Variants in SAMSN1 observed in about 807,000 individuals in gnomAD.
The protein encoded by SAMSN1 is SAM domain, SH3 domain and nuclear localization signals 1.
In SAMSN1, 31 loss-of-function variants were observed where a neutral mutation model predicts 42.0. The observed-to-expected ratio is 0.74, with a 90% CI of 0.55 to 1.00. The LOEUF (loss-of-function observed/expected upper bound fraction) is 1.00, where lower values mean the gene tolerates loss of function less well. Among genes scored for constraint, SAMSN1 ranks in the 50% least tolerant of loss-of-function variants. The probability of loss-of-function intolerance (pLI) is 0.00; values close to 1 mark genes in which losing one functional copy is unlikely to be tolerated. For synonymous variants in SAMSN1, 178 were observed against 151.9 expected (o/e 1.17, Z -1.26); for missense variants, 464 against 439.4 (o/e 1.06, Z -0.50).
chr21:14,564,929 A>G (rs932594437), intron 2 of SAMSN1, among the ~76,000 whole-genome samples: 1 of 152,118 alleles, frequency 6.6e-6, no homozygotes, highest in Non-Finnish European at 1.5e-5. Flanking sequence ...AGGGATGGAG[A>G]AGCAACTGAA....
intron 3 of SAMSN1, among the ~76,000 whole-genome samples, chr21:14,614,305 T>C (rs1283772134): frequency 6.6e-6 from 1 of 152,144 alleles, no homozygotes; most frequent in Non-Finnish European, 1.5e-5. Flanking sequence ...GGTAGTAGAA[T>C]GGGTAGAAAT....
chr21:14,581,223 A>G (rs1024144577), intron 2 of SAMSN1, among the ~76,000 whole-genome samples: 31 of 152,084 alleles, frequency 2.0e-4, no homozygotes, highest in Middle Eastern at 3.4e-3. Context: ...AGCTCTAGCT[A>G]AAAGCAAGAC....
intron 6 of SAMSN1, among the ~76,000 whole-genome samples, chr21:14,601,334 TGG>T (rs1179924900): frequency 1.3e-5 from 2 of 152,188 alleles, no homozygotes; most frequent in African/African-American, 2.4e-5. Flanking sequence ...GGAATCAGGC[TGG>T]ATTTAGGAAT....
At position 14,498,429 on chromosome 21, in the gene SAMSN1, T is replaced by G; in HGVS notation, c.919+13A>C. The G allele has an allele frequency of 6.2e-7, 1 of 1,604,386 alleles. No individual in the cohort carries two copies. Among genetic ancestry groups the G allele is most frequent in the Non-Finnish European group, 8.5e-7 (1 of 1,175,952 alleles). ...ATTATCAGCTGGGGAGAAGAGTAGGTGTACACACTTACTTTCTTCTTCAAG... is the reference window on the plus strand; with the variant it reads ...ATTATCAGCTGGGGAGAAGAGTAGGGGTACACACTTACTTTCTTCTTCAAG... On this transcript the variant is annotated intron_variant, in intron 7 of 7. Transcript: ENST00000400566.
intron 1 of SAMSN1, among the ~76,000 whole-genome samples, chr21:14,649,683 T>A (rs1983794054): frequency 6.6e-6 from 1 of 151,582 alleles, no homozygotes; most frequent in Non-Finnish European, 1.5e-5. Context: ...GGTAGGAGAA[T>A]CTCTTGAACC....
At chr21:14,586,939 T>C (rs1212624935), upstream of SAMSN1, among the ~76,000 whole-genome samples, 2 of 152,268 alleles carry the variant, frequency 1.3e-5, no homozygotes, top group East Asian at 1.9e-4. Context: ...GGAAGAATGC[T>C]TAGTATGTGC....
At chr21:14,510,288 G>A in intron 5 of SAMSN1, 22 bp downstream of exon 5, 1 of 1,612,198 alleles carries the variant, frequency 6.2e-7, no homozygotes, top group Non-Finnish European at 8.5e-7. Context: ...CATTCAGAAG[G>A]TGGGATATGA....
At chr21:14,550,293 T>C (rs575314709), upstream of SAMSN1, among the ~76,000 whole-genome samples, 6 of 152,188 alleles carry the variant, frequency 3.9e-5, no homozygotes, top group Non-Finnish European at 8.8e-5. Context: ...TACTAATTCC[T>C]TTCTCTAAGG....
At chr21:14,647,140 A>G (rs1983730332) in intron 1 of SAMSN1, among the ~76,000 whole-genome samples, 1 of 152,178 alleles carries the variant, frequency 6.6e-6, no homozygotes, top group African/African-American at 2.4e-5. Context: ...ATGAATGAAA[A>G]AACATAACCC....
intron 5 of SAMSN1, among the ~76,000 whole-genome samples, chr21:14,506,715 C>T (rs1375942515): frequency 6.6e-6 from 1 of 152,034 alleles, no homozygotes; most frequent in African/African-American, 2.4e-5. Flanking sequence ...CACCCTAATA[C>T]CAAAACCAGG....
chr21:14,516,793 T>C, intron 3 of SAMSN1, 99 bp downstream of exon 3: 1 of 978,618 alleles, frequency 1.0e-6, no homozygotes, highest in Non-Finnish European at 1.5e-6. Flanking sequence ...AAACAAATGC[T>C]TAAGTACTTC....
At chr21:14,568,609 A>G (rs1981194102) in intron 2 of SAMSN1, among the ~76,000 whole-genome samples, 1 of 152,136 alleles carries the variant, frequency 6.6e-6, no homozygotes, top group Non-Finnish European at 1.5e-5. Context: ...GTCATCTAGT[A>G]CTATCCATTT....
At chr21:14,624,910 A>C (rs1234766693) in intron 2 of SAMSN1, among the ~76,000 whole-genome samples, 1 of 152,210 alleles carries the variant, frequency 6.6e-6, no homozygotes, top group Non-Finnish European at 1.5e-5. Flanking sequence ...CCAGTAGCCC[A>C]TCAAAAAGCT....
chr21:14,565,002 A>C (rs1253979885), intron 2 of SAMSN1, among the ~76,000 whole-genome samples: 1 of 152,156 alleles, frequency 6.6e-6, no homozygotes, highest in African/African-American at 2.4e-5. Flanking sequence ...AAGAAAAAAG[A>C]ACATGTTTTG....
chr21:14,596,992 A>T lies in SAMSN1; in HGVS notation c.400-2914T>A, dbSNP rs375528344. On this transcript the variant is annotated intron_variant, in intron 6 of 15. Transcript: ENST00000647101. Reference sequence around the variant, plus strand: ...TTGTAATACAATAGTTAAAAGTCATATAATGGATAAGAAAGTACTTGAAAT... The same window carrying T: ...TTGTAATACAATAGTTAAAAGTCATTTAATGGATAAGAAAGTACTTGAAAT... 1.1e-4 allele frequency among the ~76,000 whole-genome samples: 17 copies of T among 152,196 alleles called. No individual in the cohort carries two copies. In the East Asian group the frequency reaches 1.3e-3, roughly 12 times the overall value.
At chr21:14,587,932 T>G (rs1303673487), upstream of SAMSN1, among the ~76,000 whole-genome samples, 1 of 115,602 alleles carries the variant, frequency 8.7e-6, no homozygotes, top group Non-Finnish European at 1.7e-5. Flanking sequence ...GAGTGTGATA[T>G]TCCCCTTCCT....
At chr21:14,520,204 T>C (rs1274852476) in intron 2 of SAMSN1, among the ~76,000 whole-genome samples, 3 of 152,194 alleles carry the variant, frequency 2.0e-5, no homozygotes, top group Non-Finnish European at 4.4e-5. Flanking sequence ...AAAATGTTCA[T>C]AGTGTACAAA....
intron 4 of SAMSN1, among the ~76,000 whole-genome samples, chr21:14,609,790 C>T (rs141385058): frequency 0.025 from 3,870 of 152,262 alleles, 99 homozygotes; most frequent in South Asian, 0.072. Flanking sequence ...ATTTCATGGA[C>T]ATTTATTAGT....
chr21:14,580,756 T>C (rs986689487), intron 2 of SAMSN1, among the ~76,000 whole-genome samples: 1 of 152,246 alleles, frequency 6.6e-6, no homozygotes, highest in Non-Finnish European at 1.5e-5. Context: ...AGAGAAAATA[T>C]GCCTTTTAAG....
Sources: allele counts gnomAD v4.1 joint callset (sites outside exome capture counted in the v4.1 genomes callset), GRCh38; gene constraint gnomAD v4.1.1; transcripts MANE v1.5; gene names NCBI Gene and HGNC (gene_info 2026-07-23, HGNC 2026-07-21).